PCDHGB3: variants seen among roughly 807,000 people sequenced by gnomAD.
The protein encoded by PCDHGB3 is protocadherin gamma subfamily B, 3, also known as protocadherin gamma-B3.
In PCDHGB3, 40 loss-of-function variants were observed where a neutral mutation model predicts 59.2. The observed-to-expected ratio is 0.68, with a 90% CI of 0.52 to 0.88. PCDHGB3 has a LOEUF of 0.88. PCDHGB3 is among the 40% of genes least tolerant of loss of function. The pLI is 0.00. For missense variants in PCDHGB3, 1,309 were observed against 1,187.9 expected, an observed-to-expected ratio of 1.10 and a Z score of -1.50; for synonymous variants, 581 against 503.6, an observed-to-expected ratio of 1.15 and a Z score of -2.06.
chr5:141,426,614 G>T (rs1468159807), intron 1 of PCDHGB3: 25 of 385,508 alleles, frequency 6.5e-5, no homozygotes, highest in Non-Finnish European at 1.3e-4. Context: ...TTGTAGCAGA[G>T]AATCCTCTAA....
At chr5:141,401,322 A>G (rs2094140521) in intron 1 of PCDHGB3, among the ~76,000 whole-genome samples, 1 of 152,218 alleles carries the variant, frequency 6.6e-6, no homozygotes, top group African/African-American at 2.4e-5. Flanking sequence ...AGCCTGGGCA[A>G]CAAGAGCAAA....
In PCDHGB3 at chr5:141,415,309, G is replaced by C. The variant is rs199689792; in HGVS notation, c.2415+42500G>C. 3.4e-5 allele frequency: 55 copies of C among 1,614,098 alleles called. No homozygotes were observed. Among genetic ancestry groups the C allele is most frequent in the Middle Eastern group, 1.6e-4 (1 of 6,084 alleles). On this transcript the variant is annotated intron_variant, in intron 1 of 3. Transcript: ENST00000576222. ...GGTCTCCTGCGTCTTCCTGGCCTTC[G>C]TCATCGTGCTGCTGGCGCACAGGCT...
chr5:141,393,805 C>T (rs1266380650), intron 1 of PCDHGB3: 3 of 1,613,914 alleles, frequency 1.9e-6, no homozygotes, highest in South Asian at 1.1e-5. Flanking sequence ...CTGGGGAGGA[C>T]CAAATTGCTC....
chr5:141,374,504 A>G (rs370470847), intron 1 of PCDHGB3: 1 of 1,611,510 alleles, frequency 6.2e-7, no homozygotes, highest in African/African-American at 1.3e-5. Context: ...ATTGGAAGTG[A>G]AAATTCTCGA....
intron 1 of PCDHGB3, chr5:141,389,625 G>C: frequency 6.2e-7 from 1 of 1,613,020 alleles, no homozygotes; most frequent in Non-Finnish European, 8.5e-7. Flanking sequence ...GCACGCTGCA[G>C]AGCCTGGCTA....
chr5:141,389,111 C>G (rs752785695), intron 1 of PCDHGB3: 8 of 1,614,008 alleles, frequency 5.0e-6, no homozygotes, highest in Non-Finnish European at 6.8e-6. Flanking sequence ...CTGTTCTAGA[C>G]CGCGAGCAGA....
rs771970227 is a variant in PCDHGB3 at position 141,372,188 on chromosome 5, G to A, written c.1794G>A (p.Ser598=). The A allele has an allele frequency of 1.2e-6, 2 of 1,613,434 alleles. No individual in the cohort carries two copies. Among genetic ancestry groups the A allele is most frequent in the Admixed American group, 1.7e-5 (1 of 60,006 alleles). Residue 598 remains serine, a synonymous_variant, in exon 1 of 4, where the codon TCG becomes TCA. Transcript: ENST00000576222. ...AGGTGGTGGCGGTGGACGCAGACTCGGGATACAACGCCTGGCTGTCCTACC... is the reference window on the plus strand; with the variant it reads ...AGGTGGTGGCGGTGGACGCAGACTCAGGATACAACGCCTGGCTGTCCTACC... ...VTKVVAVDAD[S]GYNAWLSYHI...
chr5:141,382,779 C>G (rs1561592016), intron 1 of PCDHGB3: 3 of 834,176 alleles, frequency 3.6e-6, no homozygotes, highest in Non-Finnish European at 5.6e-6. Flanking sequence ...GCACTAAACT[C>G]AAGCCTCTAT....
At position 141,372,039 on chromosome 5, in the gene PCDHGB3, C is replaced by T. The variant is rs757866605; in HGVS notation, c.1645C>T (p.Arg549Cys). The T allele has an allele frequency of 1.2e-6, 2 of 1,613,468 alleles. No individual in the cohort carries two copies. Among genetic ancestry groups the T allele is most frequent in the Non-Finnish European group, 1.7e-6 (2 of 1,179,764 alleles). ...TACGCTCAGCGCCAACGTGAGCCTG[C>T]GCGTGTTGGTGGACGACCGCAACGA... ...SPTLSANVSLRVLVDDRNDNA... is the reference protein window; with the variant it reads ...SPTLSANVSLCVLVDDRNDNA... Residue 549 changes from arginine (R) to cysteine (C), a missense_variant, in exon 1 of 4, where the codon CGC becomes TGC. Physicochemically the swap from Arg to Cys is radical, Grantham distance 180. Transcript: ENST00000576222.
intron 1 of PCDHGB3, among the ~76,000 whole-genome samples, chr5:141,461,881 T>C (rs2099025428): frequency 6.6e-6 from 1 of 152,060 alleles, no homozygotes. Flanking sequence ...TGGAGTGCAA[T>C]GGCACGATCT....
intron 1 of PCDHGB3, chr5:141,398,470 A>G: frequency 6.2e-7 from 1 of 1,604,828 alleles, no homozygotes; most frequent in Non-Finnish European, 8.5e-7. Flanking sequence ...AAATCCACTG[A>G]ACTTTTATCA....
Position 141,371,264 on chromosome 5 carries a change from A to C in PCDHGB3, c.870A>C (p.Gln290His). The C allele has an allele frequency of 6.2e-7, 1 of 1,614,064 alleles. No homozygotes were observed. The highest frequency in any genetic ancestry group is 1.1e-5 in the South Asian group (1 of 91,090). The part of the protein sequence containing the change: ...AFINIGKEVR[Q>H]LFKLDSKTGE... ...TCAATATTGGCAAGGAAGTGAGACA[A>C]CTGTTCAAGCTGGACAGTAAAACGG... is the stretch of plus-strand genomic sequence containing the variant. Residue 290 changes from glutamine (Q) to histidine (H), a missense_variant, in exon 1 of 4, where the codon CAA (glutamine) becomes CAC (histidine). By Grantham distance (24) the Gln-to-His change is conservative (BLOSUM62 0). Coordinates refer to ENST00000576222, the MANE Select transcript of PCDHGB3 (RefSeq NM_018924.5).
intron 1 of PCDHGB3, chr5:141,399,983 C>T (rs767278001): frequency 7.4e-6 from 12 of 1,612,374 alleles, no homozygotes; most frequent in Non-Finnish European, 1.0e-5. Context: ...GGGCTGCGCA[C>T]AGGAGAGGTG....
intron 1 of PCDHGB3, chr5:141,423,905 G>T: frequency 7.9e-7 from 1 of 1,273,594 alleles, no homozygotes; most frequent in Non-Finnish European, 9.9e-7. Flanking sequence ...GATTTCAAAG[G>T]GGCCATTCAA....
Position 141,489,090 on chromosome 5 carries a change from C to CAAA in PCDHGB3, c.2416-5717_2416-5716insAAA. ...CCTGCCCACCCCCGCCACTCGGTGA[C>CAAA]TAAGAACTGCTGCAAGCAGGCAAAC... is the stretch of plus-strand genomic sequence containing the variant. On this transcript the variant is annotated intron_variant, in intron 1 of 3. Transcript: ENST00000576222. The surrounding 1 kb of genome is among the most constrained non-coding windows in gnomAD (Gnocchi z 4.5). 7 of 328,768 alleles carry CAAA rather than the reference C, an allele frequency of 2.1e-5. No homozygotes were observed. The highest frequency in any genetic ancestry group is 6.1e-5 in the Admixed American group (1 of 16,494). The allele number at this position is 328,768 out of a possible 1,614,324, so 20.4% of individuals were successfully genotyped here. A position where few individuals can be genotyped will look rare whatever the true frequency, so the allele number is the denominator to read the frequency against.
intron 1 of PCDHGB3, among the ~76,000 whole-genome samples, chr5:141,472,001 G>A (rs992798148): frequency 1.1e-4 from 17 of 152,022 alleles, no homozygotes; most frequent in East Asian, 3.9e-4. Context: ...TCCCTGCATC[G>A]TATAGGGGCA....
At chr5:141,394,800 G>A in intron 1 of PCDHGB3, 1 of 1,613,850 alleles carries the variant, frequency 6.2e-7, no homozygotes, top group East Asian at 2.2e-5. Context: ...GCTCACCGTA[G>A]CCGTGGCTGA....
chr5:141,421,834 CGA>C lies in PCDHGB3; in HGVS notation c.2415+49030_2415+49031del, dbSNP rs763631483. The C allele has an allele frequency of 2.1e-5, 34 of 1,613,630 alleles. No homozygotes were observed. The Admixed American group carries it at 5.5e-4, about 26-fold the overall frequency. ...GCTAGTACTGGAGGGAAGCCTGGAC[CGA>C]GAGAAAGAGGCTGCTCACCTGCTCC... On this transcript the variant is annotated intron_variant, in intron 1 of 3. Transcript: ENST00000576222.
At chr5:141,470,780 T>G (rs1436746772) in intron 1 of PCDHGB3, among the ~76,000 whole-genome samples, 1 of 152,194 alleles carries the variant, frequency 6.6e-6, no homozygotes, top group Non-Finnish European at 1.5e-5. Flanking sequence ...CTTGAATTCC[T>G]GGGCTCAAGC....
Sources: gnomAD v4.1 joint callset for allele counts (sites outside exome capture counted in the v4.1 genomes callset) on GRCh38, gnomAD v4.1.1 for gene constraint, Gnocchi (gnomAD v3.1) non-coding constraint, MANE v1.5 for transcripts, NCBI Gene and HGNC (gene_info 2026-07-23, HGNC 2026-07-21) for gene names.